Variants in KATNAL1 observed in about 807,000 individuals in gnomAD.
KATNAL1 encodes katanin catalytic subunit A1 like 1.
Under a neutral mutation model 55.2 loss-of-function variants are expected in KATNAL1, and 32 were observed. The observed-to-expected ratio is 0.58, with a 90% CI of 0.44 to 0.78. The LOEUF (loss-of-function observed/expected upper bound fraction) is 0.78. KATNAL1 is among the 30% of genes least tolerant of loss of function. The pLI is 0.00. For missense variants in KATNAL1, 466 were observed against 600.9 expected (o/e 0.78, Z 2.35); for synonymous variants, 193 against 193.6 (o/e 1.00, Z 0.02).
chr13:30,288,484 A>C (rs1050578882), intron 1 of KATNAL1, among the ~76,000 whole-genome samples: 1 of 152,250 alleles, frequency 6.6e-6, no homozygotes, highest in African/African-American at 2.4e-5. Context: ...GCTTTAACTT[A>C]TAACAGCATG....
At chr13:30,241,345 T>C (rs930582461) in intron 4 of KATNAL1, among the ~76,000 whole-genome samples, 1 of 152,318 alleles carries the variant, frequency 6.6e-6, no homozygotes, top group South Asian at 2.1e-4. Flanking sequence ...TGATCCTTGC[T>C]AGATCCCAAA....
intron 4 of KATNAL1, among the ~76,000 whole-genome samples, chr13:30,254,306 A>G (rs1878600554): frequency 6.6e-6 from 1 of 152,210 alleles, no homozygotes; most frequent in Admixed American, 6.5e-5. Flanking sequence ...AAGTTAATGT[A>G]TTTATTACTA....
At chr13:30,274,907 G>GCACACACACACACACA (rs368435407) in intron 3 of KATNAL1, among the ~76,000 whole-genome samples, 8 of 105,434 alleles carry the variant, frequency 7.6e-5, no homozygotes, top group East Asian at 5.5e-4. Context: ...GCGCGCGCGC[G>GCACACACACACACACA]CACACACACA....
At chr13:30,236,204 C>T (rs1189805192) in intron 6 of KATNAL1, among the ~76,000 whole-genome samples, 1 of 152,106 alleles carries the variant, frequency 6.6e-6, no homozygotes, top group Non-Finnish European at 1.5e-5. Context: ...TTCTGTGAGT[C>T]ATTCTAGAGA....
chr13:30,220,943 C>A (rs763764158), intron 9 of KATNAL1, among the ~76,000 whole-genome samples: 129 of 152,156 alleles, frequency 8.5e-4, no homozygotes, highest in Non-Finnish European at 1.6e-3. Context: ...AGGTGATCTG[C>A]CCACATTGGC....
chr13:30,268,363 T>C (rs566535340), intron 3 of KATNAL1, among the ~76,000 whole-genome samples: 27 of 152,192 alleles, frequency 1.8e-4, no homozygotes, highest in Non-Finnish European at 3.5e-4. Context: ...CTGCCAGCTA[T>C]AGACTACAAA....
At position 30,206,573 on chromosome 13, in the gene KATNAL1, A is replaced by T. The variant is rs936284797; in HGVS notation, c.*1967T>A. On this transcript the variant is annotated 3_prime_UTR_variant, in exon 11 of 11. Transcript: ENST00000380615. ...AAAATAATTAAATGCACACCAAGATAATCAATACAAAACCCAGAAAAGGTC... is the reference window on the plus strand; with the variant it reads ...AAAATAATTAAATGCACACCAAGATTATCAATACAAAACCCAGAAAAGGTC... The T allele has an allele frequency of 2.0e-5, 3 of 152,138 alleles. No homozygotes were observed. The highest frequency in any genetic ancestry group is 2.9e-5 in the Non-Finnish European group (2 of 68,014). The allele number at this position is 152,138 out of a possible 1,614,324, so 9.4% of individuals were successfully genotyped here.
At chr13:30,277,499 T>G (rs372240881) in intron 3 of KATNAL1, among the ~76,000 whole-genome samples, 1 of 152,252 alleles carries the variant, frequency 6.6e-6, no homozygotes. Flanking sequence ...GACTGTTATC[T>G]AACATTCACT....
intron 3 of KATNAL1, among the ~76,000 whole-genome samples, chr13:30,268,590 T>TA (rs1879967714): frequency 6.6e-6 from 1 of 152,096 alleles, no homozygotes; most frequent in African/African-American, 2.4e-5. Context: ...GACAAAATAC[T>TA]ATTACTAATG....
chr13:30,279,601 T>C (rs1214276317), intron 3 of KATNAL1, among the ~76,000 whole-genome samples: 1 of 152,222 alleles, frequency 6.6e-6, no homozygotes, highest in Non-Finnish European at 1.5e-5. Flanking sequence ...CACTGAGGAA[T>C]GTAACCTTTA....
intron 4 of KATNAL1, among the ~76,000 whole-genome samples, chr13:30,253,558 G>A (rs1055678569): frequency 2.0e-5 from 3 of 151,214 alleles, no homozygotes; most frequent in Admixed American, 6.6e-5. Context: ...CCAGCTACTT[G>A]GGAGGCTGAG....
chr13:30,218,446 C>G (rs1393270556), intron 9 of KATNAL1, among the ~76,000 whole-genome samples: 1 of 151,936 alleles, frequency 6.6e-6, no homozygotes, highest in Non-Finnish European at 1.5e-5. Context: ...TCACTTGTGC[C>G]TATTATTTTG....
At chr13:30,277,665 AC>A (rs2137523934) in intron 3 of KATNAL1, among the ~76,000 whole-genome samples, 1 of 152,308 alleles carries the variant, frequency 6.6e-6, no homozygotes, top group African/African-American at 2.4e-5. Flanking sequence ...GCCCTTGCAT[AC>A]ATTCTGTGCC....
intron 3 of KATNAL1, among the ~76,000 whole-genome samples, chr13:30,268,226 C>A (rs1259534302): frequency 1.3e-5 from 2 of 152,176 alleles, no homozygotes; most frequent in Non-Finnish European, 2.9e-5. Flanking sequence ...CAACTTCTTC[C>A]AAACAAGCCA....
At position 30,255,621 on chromosome 13, in the gene KATNAL1, A is replaced by C. The variant is rs764457976; in HGVS notation, c.324-6T>G. On this transcript the variant is annotated splice_region_variant and splice_polypyrimidine_tract_variant and intron_variant, in intron 3 of 10. Transcript: ENST00000380615. ...GCCTGATCTGAGGTGGAGCTCTGAC[A>C]AAAAAAAAAAAAAAAAAATTAAAAT... The C allele has an allele frequency of 1.5e-4, 8 of 52,258 alleles. No homozygotes were observed. The highest frequency in any genetic ancestry group is 3.1e-4 in the Non-Finnish European group (8 of 26,160). The allele number at this position is 52,258 out of a possible 1,614,324, so 3.2% of individuals were successfully genotyped here.
At chr13:30,248,920 G>A (rs554626164) in intron 4 of KATNAL1, among the ~76,000 whole-genome samples, 54 of 152,298 alleles carry the variant, frequency 3.5e-4, no homozygotes, top group African/African-American at 1.1e-3. Context: ...TTAGCCGGGC[G>A]TGGTGGTGGG....
At chr13:30,241,307 G>C (rs1420754824) in intron 4 of KATNAL1, among the ~76,000 whole-genome samples, 1 of 152,106 alleles carries the variant, frequency 6.6e-6, no homozygotes. Context: ...ATTCTTGCAG[G>C]AACAGTTGCA....
At chr13:30,214,913 A>T (rs1874062318) in intron 9 of KATNAL1, among the ~76,000 whole-genome samples, 1 of 151,904 alleles carries the variant, frequency 6.6e-6, no homozygotes, top group Non-Finnish European at 1.5e-5. Flanking sequence ...AAAAGACAAA[A>T]TTGACAAATG....
At chr13:30,235,970 G>T (rs1473449892) in intron 6 of KATNAL1, among the ~76,000 whole-genome samples, 1 of 151,910 alleles carries the variant, frequency 6.6e-6, no homozygotes, top group Non-Finnish European at 1.5e-5. Flanking sequence ...CTAGAAAAAA[G>T]AAAACATTAT....
Sources: allele counts gnomAD v4.1 joint callset (sites outside exome capture counted in the v4.1 genomes callset), GRCh38; gene constraint gnomAD v4.1.1; transcripts MANE v1.5; gene names NCBI Gene and HGNC (gene_info 2026-07-23, HGNC 2026-07-21).